The following SLPI variants were observed in gnomAD, a reference collection of about 807,000 sequenced individuals.
The protein encoded by SLPI is antileukoproteinase.
In SLPI, 20 loss-of-function variants were observed where a neutral mutation model predicts 14.3. That is an observed-to-expected ratio of 1.40 (90% CI 0.99 to 2.04). The LOEUF (loss-of-function observed/expected upper bound fraction) is 2.04, where lower values mean the gene tolerates loss of function less well. Ranked by LOEUF, SLPI falls within the 30% of genes most tolerant of loss-of-function variation. The pLI, the probability that SLPI is intolerant of heterozygous loss-of-function variation, is 0.00. For synonymous variants in SLPI, 68 were observed against 54.8 expected (o/e 1.24, Z -1.07); for missense variants, 169 against 159.4 (o/e 1.06, Z -0.32).
chr20:45,253,628 C>G lies in SLPI; in HGVS notation c.191G>C (p.Cys64Ser), dbSNP rs1984731787. 6.2e-7 allele frequency: 1 copy of G among 1,614,074 alleles called. No homozygotes were observed. Among genetic ancestry groups the G allele is most frequent in the Non-Finnish European group, 8.5e-7 (1 of 1,180,034 alleles). Residue 64 changes from cysteine (C) to serine (S), a missense_variant, in exon 2 of 4, where the codon TGT becomes TCT. Coordinates refer to ENST00000338380, the MANE Select transcript of SLPI (RefSeq NM_003064.4). ...DWQCPGKKRC[C>S]PDTCGIKCLD... ...GCATTTGATGCCACAAGTGTCAGGACAACATCTCTTCTTCCCTGGACACTG... is the reference window on the plus strand; with the variant it reads ...GCATTTGATGCCACAAGTGTCAGGAGAACATCTCTTCTTCCCTGGACACTG...
intron 3 of SLPI, 74 bp from the exon 4 acceptor site, chr20:45,252,493 A>G: frequency 6.6e-7 from 1 of 1,522,530 alleles, no homozygotes; most frequent in Non-Finnish European, 9.1e-7. Flanking sequence ...CCTCCTGCCC[A>G]AGGATCCTTC....
Position 45,253,091 on chromosome 20 carries a change from G to A in SLPI, c.305C>T (p.Pro102Leu), listed in dbSNP as rs187448654. ...TYGQCLMLNP[P>L]NFCEMDGQCK... ...CTGGCCATCCATCTCACAGAAATTGGGGGGGTTAAGCATCAAACATTGGCC... is the reference window on the plus strand; with the variant it reads ...CTGGCCATCCATCTCACAGAAATTGAGGGGGTTAAGCATCAAACATTGGCC... The change falls in exon 3 of 4, where the codon CCC (proline) becomes CTC (leucine). Residue 102 changes from proline (P) to leucine (L), a missense_variant. By Grantham distance (98) the Pro-to-Leu change is moderately conservative (BLOSUM62 -3). Transcript: ENST00000338380. 2.5e-6 allele frequency: 4 copies of A among 1,613,998 alleles called. No homozygotes were observed. The highest frequency in any genetic ancestry group is 1.6e-4 in the Middle Eastern group (1 of 6,082).
At chr20:45,252,504 T>A (rs1984690367) in intron 3 of SLPI, 85 bp from the exon 4 acceptor site, 1 of 1,441,518 alleles carries the variant, frequency 6.9e-7, no homozygotes, top group Non-Finnish European at 9.7e-7. Flanking sequence ...AGGATCCTTC[T>A]GAGATAGAGA....
intron 1 of SLPI, 35 bp from the exon 2 acceptor site, chr20:45,253,768 C>A: frequency 6.2e-7 from 1 of 1,602,160 alleles, no homozygotes; most frequent in Non-Finnish European, 8.5e-7. Context: ...CAGGAGGAGG[C>A]TGGGTACTGA....
At position 45,253,030 on chromosome 20, in the gene SLPI, A is replaced by G. The variant is rs199503670; in HGVS notation, c.366T>C (p.Cys122=). ...KRDLKCCMGM[C]GKSCVSPVKA is the part of the protein sequence containing the mutation. ...TCACAGGGGAAACGCAGGATTTCCC[A>G]CACATGCCCATGCAACACTTCAAGT... The change falls in exon 3 of 4, where the codon TGT becomes TGC. Residue 122 remains cysteine (C), a synonymous_variant. Coordinates refer to ENST00000338380, the MANE Select transcript of SLPI (RefSeq NM_003064.4). 1.2e-5 allele frequency: 19 copies of G among 1,614,152 alleles called. No homozygotes were observed. Among genetic ancestry groups the G allele is most frequent in the Non-Finnish European group, 1.5e-5 (18 of 1,179,984 alleles).
Position 45,253,594 on chromosome 20 carries a change from A to G in SLPI, c.225T>C (p.Pro75=), listed in dbSNP as rs1454332911. ...GCTTACTTGGGTTTGGGGTGTCAAC[A>G]GGATCCAGGCATTTGATGCCACAAG... The part of the protein sequence containing the change: ...PDTCGIKCLD[P]VDTPNPTRRK... Residue 75 remains proline, a synonymous_variant, in exon 2 of 4, where the codon CCT becomes CCC. Coordinates refer to ENST00000338380, the MANE Select transcript of SLPI (RefSeq NM_003064.4). The G allele has an allele frequency of 1.2e-6, 2 of 1,613,970 alleles. No homozygotes were observed. Among genetic ancestry groups the G allele is most frequent in the Non-Finnish European group, 1.7e-6 (2 of 1,179,906 alleles).
intron 1 of SLPI, 146 bp downstream of exon 1, chr20:45,254,313 C>G (rs1984754891): frequency 1.5e-6 from 1 of 664,142 alleles, no homozygotes; most frequent in South Asian, 1.9e-5. Flanking sequence ...CCTTGGAGCT[C>G]AGCCAGACAT....
At position 45,252,307 on chromosome 20, in the gene SLPI, C is replaced by T. The variant is rs1387614184; in HGVS notation, c.*108G>A. ...GCACTTCTTGAAAGCCTGCTGTGTGCCAAGCCTTTCCCCAAAGGAGGATAT... is the reference window on the plus strand; with the variant it reads ...GCACTTCTTGAAAGCCTGCTGTGTGTCAAGCCTTTCCCCAAAGGAGGATAT... On this transcript the variant is annotated 3_prime_UTR_variant, in exon 4 of 4. Coordinates refer to ENST00000338380, the MANE Select transcript of SLPI (RefSeq NM_003064.4). 1.6e-5 allele frequency: 17 copies of T among 1,078,562 alleles called. No individual in the cohort carries two copies. The highest frequency in any genetic ancestry group is 2.3e-5 in the Non-Finnish European group (17 of 731,344). The allele number at this position is 1,078,562 out of a possible 1,614,324, so 66.8% of individuals were successfully genotyped here. A position where few individuals can be genotyped will look rare whatever the true frequency, so the allele number is the denominator to read the frequency against.
chr20:45,252,347 A>G lies in SLPI; in HGVS notation c.*68T>C. On this transcript the variant is annotated 3_prime_UTR_variant, in exon 4 of 4. Coordinates refer to ENST00000338380, the MANE Select transcript of SLPI (RefSeq NM_003064.4). ...AAGGAGGATATCAGTGGTGGAGCCA[A>G]GTCTCAGGGTGGAAAGGACCTGGAC... 6.5e-7 allele frequency: 1 copy of G among 1,542,704 alleles called. No homozygotes were observed. Among genetic ancestry groups the G allele is most frequent in the Non-Finnish European group, 8.9e-7 (1 of 1,123,242 alleles).
At chr20:45,253,506 C>T in intron 2 of SLPI, 69 bp downstream of exon 2, 1 of 1,462,026 alleles carries the variant, frequency 6.8e-7, no homozygotes, top group Admixed American at 1.9e-5. Flanking sequence ...GACCCATCAC[C>T]CAGTTCCATC....
Position 45,254,460 on chromosome 20 carries a change from C to G in SLPI, c.84G>C (p.Lys28Asn), listed in dbSNP as rs377725320. 4 of 1,613,994 alleles carry G rather than the reference C, an allele frequency of 2.5e-6. No homozygotes were observed. The highest frequency in any genetic ancestry group is 1.1e-5 in the South Asian group (1 of 91,062). Reference protein sequence around the residue: ...LAPWAVEGSGKSFKAGVCPPK... With the variant: ...LAPWAVEGSGNSFKAGVCPPK... ...TAGACCAGAGTGACTCCAACTTACA[C>G]TTTCCAGAGCCTTCCACAGCCCAAG... is the stretch of plus-strand genomic sequence containing the variant. The change falls in exon 1 of 4, where the codon AAG becomes AAC. Residue 28 changes from lysine (K) to asparagine (N), a missense_variant and splice_region_variant. Transcript: ENST00000338380.
In SLPI at chr20:45,253,091, G is replaced by T. The variant is rs187448654; in HGVS notation, c.305C>A (p.Pro102His). 29 of 1,614,116 alleles carry T rather than the reference G, an allele frequency of 1.8e-5. No individual in the cohort carries two copies. Among genetic ancestry groups the T allele is most frequent in the South Asian group, 1.2e-4 (11 of 91,076 alleles). ...CTGGCCATCCATCTCACAGAAATTGGGGGGGTTAAGCATCAAACATTGGCC... is the reference window on the plus strand; with the variant it reads ...CTGGCCATCCATCTCACAGAAATTGTGGGGGTTAAGCATCAAACATTGGCC... Reference protein sequence around the residue: ...TYGQCLMLNPPNFCEMDGQCK... With the variant: ...TYGQCLMLNPHNFCEMDGQCK... The change falls in exon 3 of 4, where the codon CCC becomes CAC. Residue 102 changes from proline to histidine, a missense_variant. Coordinates refer to ENST00000338380, the MANE Select transcript of SLPI (RefSeq NM_003064.4).
rs756714494 is a variant in SLPI, at chr20:45,254,451, C to A, written c.85+8G>T. ...AGCCCAGATTAGACCAGAGTGACTC[C>A]AACTTACACTTTCCAGAGCCTTCCA... On this transcript the variant is annotated splice_region_variant and intron_variant, in intron 1 of 3. Coordinates refer to ENST00000338380, the MANE Select transcript of SLPI (RefSeq NM_003064.4). The A allele has an allele frequency of 1.2e-5, 19 of 1,613,476 alleles. No homozygotes were observed. Among genetic ancestry groups the A allele is most frequent in the Admixed American group, 3.3e-5 (2 of 59,944 alleles).
chr20:45,252,478 T>C (rs1341564613), intron 3 of SLPI, 59 bp from the exon 4 acceptor site: 1 of 1,583,288 alleles, frequency 6.3e-7, no homozygotes, highest in African/African-American at 1.3e-5. Context: ...CATATCCACA[T>C]CCTTCCTCCT....
At chr20:45,254,266 G>T (rs570615769) in intron 1 of SLPI, among the ~76,000 whole-genome samples, 193 bp downstream of exon 1, 32 of 151,768 alleles carry the variant, frequency 2.1e-4, no homozygotes, top group Non-Finnish European at 4.0e-4. Context: ...TGGCTGCATA[G>T]AGGAAGCATT....
At chr20:45,252,549 T>G in intron 3 of SLPI, 130 bp from the exon 4 acceptor site, 5 of 859,496 alleles carry the variant, frequency 5.8e-6, no homozygotes, top group Non-Finnish European at 9.2e-6. Context: ...GAGAGAGACT[T>G]AGTGTCAGGA....
chr20:45,254,545 G>A lies in SLPI; in HGVS notation c.-2C>T, dbSNP rs747765422. On this transcript the variant is annotated 5_prime_UTR_variant, in exon 1 of 4. Transcript: ENST00000338380. ...GGGGAAGAGGCCGCTGGACTTCATG[G>A]TGAAGGCAGGAGTGACTCTGATGGC... is the stretch of plus-strand genomic sequence containing the variant. 4 of 1,613,620 alleles carry A rather than the reference G, an allele frequency of 2.5e-6. No homozygotes were observed. The highest frequency in any genetic ancestry group is 2.2e-5 in the South Asian group (2 of 91,040).
Position 45,253,577 on chromosome 20 carries a change from G to A in SLPI, c.242C>T (p.Pro81Leu), listed in dbSNP as rs185556012. 3.9e-5 allele frequency: 63 copies of A among 1,613,426 alleles called. No individual in the cohort carries two copies. The Admixed American group carries it at 6.0e-4, about 15-fold the overall frequency. ...ACCCAGTTCCCCGACCTGCTTACTT[G>A]GGTTTGGGGTGTCAACAGGATCCAG... ...KCLDPVDTPN[P>L]TRRKPGKCPV... The change falls in exon 2 of 4, where the codon CCA (proline) becomes CTA (leucine). Residue 81 changes from proline to leucine, a missense_variant and splice_region_variant. Physicochemically the swap from Pro to Leu is moderately conservative, Grantham distance 98. Coordinates refer to ENST00000338380, the MANE Select transcript of SLPI (RefSeq NM_003064.4).
Position 45,253,728 on chromosome 20 carries a change from T to C in SLPI, c.91A>G (p.Lys31Glu). ...TTCTTAGGAGGACAGACTCCAGCTT[T>C]GAAGGCTTTTGAAGAGAAAGTCAAG... The part of the protein sequence containing the change: ...WAVEGSGKSF[K>E]AGVCPPKKSA... Residue 31 changes from lysine (K) to glutamate (E), a missense_variant, in exon 2 of 4, where the codon AAA becomes GAA. By Grantham distance (56) the Lys-to-Glu change is moderately conservative. Transcript: ENST00000338380. 1.9e-6 allele frequency: 3 copies of C among 1,613,422 alleles called. No homozygotes were observed. The highest frequency in any genetic ancestry group is 2.5e-6 in the Non-Finnish European group (3 of 1,179,626).
Sources: gnomAD v4.1 joint callset for allele counts (sites outside exome capture counted in the v4.1 genomes callset) on GRCh38, gnomAD v4.1.1 for gene constraint, MANE v1.5 for transcripts, NCBI Gene and HGNC (gene_info 2026-07-23, HGNC 2026-07-21) for gene names.